The following CDON variants were observed in gnomAD, a reference collection of about 807,000 sequenced individuals.
The protein encoded by CDON is cell adhesion molecule-related/down-regulated by oncogenes.
A neutral mutation model predicts 120.9 loss-of-function variants in CDON; 73 were observed. The ratio of observed to expected loss-of-function variants is 0.60; its 90% confidence interval spans 0.50 to 0.73. The LOEUF (loss-of-function observed/expected upper bound fraction) is 0.73, where lower values mean the gene tolerates loss of function less well. CDON is among the 30% of genes least tolerant of loss of function. The pLI is 0.00. For missense variants in CDON, 1,470 were observed against 1,587.3 expected (o/e 0.93, Z 1.26); for synonymous variants, 566 against 573.5 (o/e 0.99, Z 0.19).
intron 1 of CDON, among the ~76,000 whole-genome samples, chr11:126,032,649 G>T (rs1472406809): frequency 6.6e-6 from 1 of 152,108 alleles, no homozygotes; most frequent in East Asian, 1.9e-4. Flanking sequence ...GACCTGTACT[G>T]GAGAAATATC....
chr11:125,980,181 A>C (rs1946257268), intron 17 of CDON, among the ~76,000 whole-genome samples: 1 of 152,348 alleles, frequency 6.6e-6, no homozygotes, highest in Admixed American at 6.5e-5. Context: ...AAACAATGTC[A>C]TAAATCAAAC....
Position 126,011,760 on chromosome 11 carries a change from T to C in CDON, c.1199-1066A>G, listed in dbSNP as rs138599647. ...TTAAAATGAGCCTTTTAAAATGTCT[T>C]ATTAAAAAGTTTTACCCACAGATCA... On this transcript the variant is annotated intron_variant, in intron 7 of 19. Transcript: ENST00000531738. Among the ~76,000 whole-genome samples, 1,183 of 152,372 alleles carry C rather than the reference T, an allele frequency of 7.8e-3. 22 individuals carry two copies. Among genetic ancestry groups the C allele is most frequent in the African/African-American group, 0.027 (1,134 of 41,596 alleles).
At chr11:126,011,546 C>G (rs1565526979) in intron 7 of CDON, among the ~76,000 whole-genome samples, 1 of 152,050 alleles carries the variant, frequency 6.6e-6, no homozygotes, top group Non-Finnish European at 1.5e-5. Context: ...CTGTGAAATG[C>G]CTTTGTCAGT....
At chr11:126,007,391 C>A (rs1466303983) in intron 8 of CDON, among the ~76,000 whole-genome samples, 1 of 152,156 alleles carries the variant, frequency 6.6e-6, no homozygotes, top group Non-Finnish European at 1.5e-5. Context: ...TAATTAAGTT[C>A]ACTGAGACAA....
intron 1 of CDON, among the ~76,000 whole-genome samples, chr11:126,026,617 T>C (rs1218467396): frequency 2.0e-5 from 3 of 152,236 alleles, no homozygotes; most frequent in Non-Finnish European, 2.9e-5. Flanking sequence ...CAAGTTTCTC[T>C]AGCTCGTGGA....
chr11:125,970,002 T>C (rs11220289), intron 18 of CDON, among the ~76,000 whole-genome samples: 39,367 of 152,086 alleles, frequency 0.26, 5,696 homozygotes, highest in Non-Finnish European at 0.32. Context: ...AGCATGATTA[T>C]GTACAGAATT....
chr11:125,963,168 G>A (rs944397561), intron 18 of CDON, among the ~76,000 whole-genome samples: 2 of 152,016 alleles, frequency 1.3e-5, no homozygotes, highest in African/African-American at 4.8e-5. Context: ...TTTATTTCAA[G>A]GGTAGACTCT....
chr11:126,017,703 T>A (rs933268304), intron 5 of CDON, among the ~76,000 whole-genome samples: 1 of 148,332 alleles, frequency 6.7e-6, no homozygotes, highest in African/African-American at 2.5e-5. Flanking sequence ...GACAGACATA[T>A]CTCTTTTTTT....
chr11:125,958,586 TG>T lies in CDON; in HGVS notation c.*2355del, dbSNP rs1565482718. On this transcript the variant is annotated 3_prime_UTR_variant, in exon 20 of 20. Coordinates refer to ENST00000531738, the MANE Select transcript of CDON (RefSeq NM_001378964.1). ...ATATATGTGTGTGTGTGTGTGTGTGTGTGTGTTTATATATATATATTTATAT... is the reference window on the plus strand; with the variant it reads ...ATATATGTGTGTGTGTGTGTGTGTGTTGTGTTTATATATATATATTTATAT... The T allele has an allele frequency of 2.7e-5, 4 of 149,888 alleles. No homozygotes were observed. The highest frequency in any genetic ancestry group is 3.9e-4 in the East Asian group (2 of 5,144). 9.3% of individuals were successfully genotyped at this position (149,888 alleles called of 1,614,324 possible). A position where few individuals can be genotyped will look rare whatever the true frequency, so the allele number is the denominator to read the frequency against.
At chr11:126,008,447 G>A (rs1037233525) in intron 8 of CDON, among the ~76,000 whole-genome samples, 2 of 152,078 alleles carry the variant, frequency 1.3e-5, no homozygotes, top group Admixed American at 1.3e-4. Flanking sequence ...ACAGCTGATG[G>A]GGTTACCATA....
chr11:126,003,693 ACC>A (rs1449533096), intron 10 of CDON, among the ~76,000 whole-genome samples: 1 of 152,064 alleles, frequency 6.6e-6, no homozygotes. Flanking sequence ...GGTGGCACGC[ACC>A]TGTAGTCACA....
At position 126,050,507 on chromosome 11, in the gene CDON, C is replaced by CACAT. The variant is rs1948530790; in HGVS notation, c.-62+12071_-62+12072insATGT. On this transcript the variant is annotated intron_variant, in intron 1 of 19. Coordinates refer to ENST00000531738, the MANE Select transcript of CDON (RefSeq NM_001378964.1). ...CCTGTAAGTAGCAAACACACACACA[C>CACAT]ACACACACACACACACACACACACA... Among the ~76,000 whole-genome samples the CACAT allele has an allele frequency of 4.0e-5, 6 of 150,374 alleles. No homozygotes were observed. The South Asian group carries it at 1.3e-3, about 32-fold the overall frequency.
chr11:126,047,301 G>A (rs1243787610), intron 1 of CDON, among the ~76,000 whole-genome samples: 1 of 152,124 alleles, frequency 6.6e-6, no homozygotes, highest in Admixed American at 6.5e-5. Flanking sequence ...GTGTTCAGTT[G>A]CTTGAACATA....
chr11:125,966,487 T>C (rs941117358), intron 18 of CDON, among the ~76,000 whole-genome samples: 10 of 152,104 alleles, frequency 6.6e-5, no homozygotes, highest in Admixed American at 4.6e-4. Context: ...AGGCACCGTA[T>C]GGCGAAAAAC....
rs1947256054 is a variant in CDON at position 126,010,347 on chromosome 11, T to C, written c.1546A>G (p.Met516Val). 3.1e-6 allele frequency: 5 copies of C among 1,602,336 alleles called. 1 individual carries two copies. The South Asian group carries it at 3.3e-5, about 11-fold the overall frequency. ...AATAATAATGGCAACTCACCAACCA[T>C]GAGAGATGCTTCTGCCTGTGTGGTA... ...HGTTQAEASL[M>V]VVPFETNTKA... is the part of the protein sequence containing the mutation. Residue 516 changes from methionine (M) to valine (V), a missense_variant, in exon 8 of 20, where the codon ATG (methionine) becomes GTG (valine). By Grantham distance (21) the Met-to-Val change is conservative. Transcript: ENST00000531738.
Position 126,014,915 on chromosome 11 carries a change from G to C in CDON, c.1198+326C>G. On this transcript the variant is annotated intron_variant, in intron 7 of 19. Transcript: ENST00000531738. ...GTGCACTACATACAAGGCTGCTCAA[G>C]AAACTGATAAAACTAATTATTTCTA... 9.5e-6 allele frequency: 3 copies of C among 316,278 alleles called. No homozygotes were observed. In the South Asian group the frequency reaches 1.1e-4, roughly 12 times the overall value. 19.6% of individuals were successfully genotyped at this position (316,278 alleles called of 1,614,324 possible).
At position 125,958,508 on chromosome 11, in the gene CDON, C is replaced by A. The variant is rs1484405259; in HGVS notation, c.*2434G>T. The A allele has an allele frequency of 6.6e-6, 1 of 150,886 alleles. No homozygotes were observed. Among genetic ancestry groups the A allele is most frequent in the African/African-American group, 2.4e-5 (1 of 41,066 alleles). The allele number at this position is 150,886 out of a possible 1,614,324, so 9.3% of individuals were successfully genotyped here. On this transcript the variant is annotated 3_prime_UTR_variant, in exon 20 of 20. Transcript: ENST00000531738. ...GCCTGTGCAGGGCAGAGCCAACTCA[C>A]GCTTAGGGAGAACTCATACCGCCTA...
intron 1 of CDON, among the ~76,000 whole-genome samples, chr11:126,026,778 A>G (rs1292503556): frequency 1.3e-5 from 2 of 152,228 alleles, no homozygotes. Context: ...GTTCAAGGGT[A>G]AGAACTGACA....
chr11:125,982,663 CTGAA>C (rs1565502595), intron 16 of CDON, among the ~76,000 whole-genome samples: 1 of 152,186 alleles, frequency 6.6e-6, no homozygotes, highest in Non-Finnish European at 1.5e-5. Flanking sequence ...GAATAAATGA[CTGAA>C]TGAACACCAC....
Sources: gnomAD v4.1 joint callset for allele counts (sites outside exome capture counted in the v4.1 genomes callset) on GRCh38, gnomAD v4.1.1 for gene constraint, MANE v1.5 for transcripts, NCBI Gene and HGNC (gene_info 2026-07-23, HGNC 2026-07-21) for gene names.